The following CADM2 variants were observed in gnomAD, a reference collection of about 807,000 sequenced individuals.
CADM2 encodes the protein cell adhesion molecule 2, also known as immunoglobulin superfamily member 4D.
Under a neutral mutation model 49.8 loss-of-function variants are expected in CADM2, and 12 were observed. The ratio of observed to expected loss-of-function variants is 0.24; its 90% CI spans 0.15 to 0.39. The LOEUF (loss-of-function observed/expected upper bound fraction) is 0.39, where lower values mean the gene tolerates loss of function less well. Ranked by LOEUF, CADM2 falls within the 10% of genes least tolerant of loss-of-function variation. CADM2 has a pLI of 1.00. For missense variants in CADM2, 378 were observed against 492.3 expected, an observed-to-expected ratio of 0.77 and a Z score of 2.20; for synonymous variants, 214 against 175.4, an observed-to-expected ratio of 1.22 and a Z score of -1.74.
chr3:85,988,284 T>A (rs532956127), intron 8 of CADM2, among the ~76,000 whole-genome samples: 49 of 152,350 alleles, frequency 3.2e-4, no homozygotes, highest in African/African-American at 1.1e-3. Flanking sequence ...ATTAGTTTTC[T>A]ATACTCATTT....
rs147414565 is a variant in CADM2, at chr3:85,290,094, C to T, written c.61+330426C>T. On this transcript the variant is annotated intron_variant, in intron 1 of 9. Coordinates refer to ENST00000383699, the MANE Select transcript of CADM2 (RefSeq NM_001167675.2). The stretch of plus-strand genomic sequence containing the variant: ...GGTCAGTGGGTGTGTGCACCGTGGG[C>T]GATCCGAAGCAGGGTGAGGCATTGC... Among the ~76,000 whole-genome samples, 118 of 152,072 alleles carry T rather than the reference C, an allele frequency of 7.8e-4. 1 individual carries two copies. The highest frequency in any genetic ancestry group is 6.6e-3 in the South Asian group (32 of 4,822).
At chr3:85,636,390 G>C (rs1054020578) in intron 1 of CADM2, among the ~76,000 whole-genome samples, 6 of 152,010 alleles carry the variant, frequency 3.9e-5, no homozygotes, top group Admixed American at 1.3e-4. Context: ...ATAAAATAAG[G>C]ATATAAAGAA....
At chr3:85,545,950 T>C (rs1191896643) in intron 1 of CADM2, among the ~76,000 whole-genome samples, 1 of 152,190 alleles carries the variant, frequency 6.6e-6, no homozygotes, top group Admixed American at 6.5e-5. Flanking sequence ...TCAAATGAAT[T>C]TCTTTCCCAT....
chr3:86,009,619 A>G (rs1400757484), intron 8 of CADM2, among the ~76,000 whole-genome samples: 2 of 151,878 alleles, frequency 1.3e-5, no homozygotes, highest in Non-Finnish European at 2.9e-5. Flanking sequence ...GTAACTATCT[A>G]ATGACATAAA....
At chr3:86,001,379 T>A (rs531118445) in intron 8 of CADM2, among the ~76,000 whole-genome samples, 1 of 152,250 alleles carries the variant, frequency 6.6e-6, no homozygotes, top group South Asian at 2.1e-4. Context: ...AAAGAGCAGA[T>A]AACATAGTCC....
intron 1 of CADM2, among the ~76,000 whole-genome samples, chr3:85,688,783 G>C (rs2066292384): frequency 6.6e-6 from 1 of 152,084 alleles, no homozygotes; most frequent in Non-Finnish European, 1.5e-5. Flanking sequence ...GGCCAGCCTG[G>C]TTTCGAACTT....
rs1162188592 is a variant in CADM2 at position 85,130,017 on chromosome 3, GGAAA to G, written c.61+170355_61+170358del. Among the ~76,000 whole-genome samples, 10 of 152,218 alleles carry G rather than the reference GGAAA, an allele frequency of 6.6e-5. No homozygotes were observed. In the East Asian group the frequency reaches 1.9e-3, roughly 29 times the overall value. On this transcript the variant is annotated intron_variant, in intron 1 of 9. Transcript: ENST00000383699. ...AATGTAGCCAGGTGTGGATTGAATT[GGAAA>G]GAAAGGATAGTTCATATCCCAGCTT...
At chr3:85,733,687 A>G (rs1056875569) in intron 2 of CADM2, among the ~76,000 whole-genome samples, 6 of 152,172 alleles carry the variant, frequency 3.9e-5, no homozygotes, top group South Asian at 2.1e-4. Flanking sequence ...ACAAGGCTCA[A>G]TTTTGTATAG....
At chr3:85,842,786 T>A (rs1257922845) in intron 3 of CADM2, among the ~76,000 whole-genome samples, 1 of 152,188 alleles carries the variant, frequency 6.6e-6, no homozygotes, top group Non-Finnish European at 1.5e-5. Flanking sequence ...CCCTTACTGT[T>A]AACTTCTTAT....
At chr3:85,166,089 A>G (rs559953773) in intron 1 of CADM2, among the ~76,000 whole-genome samples, 2 of 151,920 alleles carry the variant, frequency 1.3e-5, no homozygotes, top group South Asian at 2.1e-4. Flanking sequence ...TCAAGATCAT[A>G]ATGACATTTA....
intron 1 of CADM2, among the ~76,000 whole-genome samples, chr3:85,637,691 A>T (rs2064556221): frequency 4.0e-5 from 6 of 151,702 alleles, no homozygotes; most frequent in Admixed American, 3.9e-4. Context: ...CAGAAGGGAA[A>T]ACTTAATATC....
intron 1 of CADM2, among the ~76,000 whole-genome samples, chr3:85,423,717 C>T (rs2036275619): frequency 6.6e-6 from 1 of 152,078 alleles, no homozygotes; most frequent in Non-Finnish European, 1.5e-5. Flanking sequence ...TGATGTGGTC[C>T]CTCTAACATC....
At chr3:85,633,374 T>C (rs1396050561) in intron 1 of CADM2, among the ~76,000 whole-genome samples, 3 of 152,014 alleles carry the variant, frequency 2.0e-5, no homozygotes, top group Non-Finnish European at 2.9e-5. Context: ...ATGCTTATAT[T>C]GGAAAAGTAT....
intron 1 of CADM2, among the ~76,000 whole-genome samples, chr3:85,572,822 C>G (rs1320987884): frequency 6.6e-6 from 1 of 152,104 alleles, no homozygotes; most frequent in East Asian, 1.9e-4. Context: ...TTGGATGGTG[C>G]CCTACCACAC....
intron 1 of CADM2, among the ~76,000 whole-genome samples, chr3:85,593,640 T>A (rs923532434): frequency 2.6e-5 from 4 of 152,010 alleles, no homozygotes; most frequent in African/African-American, 9.7e-5. Flanking sequence ...GCTGCTGTGA[T>A]TCATAGAATA....
At chr3:85,284,936 A>C (rs1397777901) in intron 1 of CADM2, among the ~76,000 whole-genome samples, 1 of 152,098 alleles carries the variant, frequency 6.6e-6, no homozygotes, top group Non-Finnish European at 1.5e-5. Context: ...GAAAAAAAGC[A>C]AGCAGATCGA....
intron 1 of CADM2, among the ~76,000 whole-genome samples, chr3:85,542,727 GATT>G (rs1300466180): frequency 6.6e-6 from 1 of 152,152 alleles, no homozygotes; most frequent in Non-Finnish European, 1.5e-5. Context: ...TTGCTGACAT[GATT>G]ATATTATTTC....
intron 8 of CADM2, among the ~76,000 whole-genome samples, chr3:86,029,215 C>A (rs903343399): frequency 6.6e-6 from 1 of 152,114 alleles, no homozygotes; most frequent in Non-Finnish European, 1.5e-5. Flanking sequence ...TTTTCAGACA[C>A]AGGAGTAACA....
intron 1 of CADM2, among the ~76,000 whole-genome samples, chr3:85,637,704 A>G (rs2064556873): frequency 1.3e-5 from 2 of 151,936 alleles, no homozygotes; most frequent in African/African-American, 4.8e-5. Context: ...TTAATATCCA[A>G]AAAATGACAA....
Sources: allele counts gnomAD v4.1 joint callset (sites outside exome capture counted in the v4.1 genomes callset), GRCh38; gene constraint gnomAD v4.1.1; transcripts MANE v1.5; gene names NCBI Gene and HGNC (gene_info 2026-07-23, HGNC 2026-07-21).